Variants in C4BPA observed in about 807,000 individuals in gnomAD.
C4BPA encodes C4b-binding protein alpha chain.
Under a neutral mutation model 63.7 loss-of-function variants are expected in C4BPA, and 31 were observed. The ratio of observed to expected loss-of-function variants is 0.49; its 90% CI spans 0.37 to 0.66. C4BPA has a LOEUF of 0.66. Among genes scored for constraint, C4BPA ranks in the 30% least tolerant of loss-of-function variants. The pLI, the probability that C4BPA is intolerant of heterozygous loss-of-function variation, is 0.00. For synonymous variants in C4BPA, 259 were observed against 254.7 expected (o/e 1.02, Z -0.16); for missense variants, 572 against 723.3 (o/e 0.79, Z 2.40).
intron 6 of C4BPA, among the ~76,000 whole-genome samples, chr1:207,126,476 C>T (rs955963939): frequency 2.0e-5 from 3 of 149,026 alleles, no homozygotes; most frequent in African/African-American, 7.3e-5. Flanking sequence ...TCTTCAACTT[C>T]TCCACCAATA....
chr1:207,135,149 CA>C (rs1685252785), intron 9 of C4BPA, among the ~76,000 whole-genome samples: 1 of 151,988 alleles, frequency 6.6e-6, no homozygotes, highest in Non-Finnish European at 1.5e-5. Flanking sequence ...CTAGCCTGGC[CA>C]ATATGGCGAA....
chr1:207,118,361 A>C (rs1684857640), intron 4 of C4BPA, among the ~76,000 whole-genome samples: 1 of 152,220 alleles, frequency 6.6e-6, no homozygotes, highest in Admixed American at 6.5e-5. Flanking sequence ...AGACTGGGTA[A>C]TTTATAAAGA....
chr1:207,104,459 G>T (rs570976404), intron 1 of C4BPA, 29 bp downstream of exon 1: 1 of 152,414 alleles, frequency 6.6e-6, no homozygotes, highest in African/African-American at 2.4e-5. Context: ...CCTTGGGGAA[G>T]CTTGGAGGAA....
chr1:207,107,358 A>G (rs2808468), intron 1 of C4BPA, among the ~76,000 whole-genome samples: 37,424 of 152,106 alleles, frequency 0.25, 6,834 homozygotes, highest in African/African-American at 0.52. Context: ...GACCAGCTTG[A>G]GCAACATAGT....
At chr1:207,140,854 A>G (rs1396693774) in intron 9 of C4BPA, among the ~76,000 whole-genome samples, 1 of 152,176 alleles carries the variant, frequency 6.6e-6, no homozygotes, top group Non-Finnish European at 1.5e-5. Flanking sequence ...CTCCTAAACA[A>G]TGGAAAGTTG....
In C4BPA at chr1:207,134,509, T is replaced by A; in HGVS notation, c.1190T>A (p.Phe397Tyr). Residue 397 changes from phenylalanine (F) to tyrosine (Y), a missense_variant, in exon 9 of 12, where the codon TTT becomes TAT. Physicochemically the swap from Phe to Tyr is conservative, Grantham distance 22 (BLOSUM62 3). Transcript: ENST00000367070. ...TATTTCTATGGAGATGAGATTTCAT[T>A]TTCATGTCATGAGACCAGTAGGTTT... ...CVYFYGDEIS[F>Y]SCHETSRFSA... is the part of the protein sequence containing the mutation. 6.2e-7 allele frequency: 1 copy of A among 1,613,792 alleles called. No homozygotes were observed. Among genetic ancestry groups the A allele is most frequent in the African/African-American group, 1.3e-5 (1 of 75,042 alleles).
At position 207,124,007 on chromosome 1, in the gene C4BPA, A is replaced by C. The variant is rs1190110398; in HGVS notation, c.514A>C (p.Ile172Leu). ...GAGTCATCCTCTCCCACAATGTGAAAGTAAGTAAAGACTCTTCTGACTTGA... is the reference window on the plus strand; with the variant it reads ...GAGTCATCCTCTCCCACAATGTGAACGTAAGTAAAGACTCTTCTGACTTGA... The part of the protein sequence containing the change: ...GWSHPLPQCE[I>L]VKCKPPPDIR... The change falls in exon 5 of 12, where the codon ATT becomes CTT. Residue 172 changes from isoleucine to leucine, a missense_variant and splice_region_variant. By Grantham distance (5) the Ile-to-Leu change is conservative. Around this residue, in one of 2 missense-constraint regions of C4BPA, gnomAD observed 465 missense variants for 629.4 expected, o/e 0.74. Transcript: ENST00000367070. The C allele has an allele frequency of 6.2e-7, 1 of 1,602,446 alleles. No homozygotes were observed. Among genetic ancestry groups the C allele is most frequent in the Non-Finnish European group, 8.5e-7 (1 of 1,170,402 alleles).
intron 10 of C4BPA, among the ~76,000 whole-genome samples, chr1:207,141,560 T>C (rs1685416121): frequency 6.6e-6 from 1 of 152,162 alleles, no homozygotes; most frequent in Non-Finnish European, 1.5e-5. Flanking sequence ...AGTATCACAT[T>C]TTATCTTAGT....
intron 6 of C4BPA, 58 bp downstream of exon 6, chr1:207,124,424 A>G: frequency 3.0e-6 from 4 of 1,331,790 alleles, no homozygotes; most frequent in Non-Finnish European, 2.1e-6. Context: ...TTTAAAAGAG[A>G]AAGAAAGGTA....
intron 1 of C4BPA, among the ~76,000 whole-genome samples, chr1:207,108,026 A>G (rs752172664): frequency 2.6e-5 from 4 of 152,222 alleles, no homozygotes; most frequent in Non-Finnish European, 5.9e-5. Flanking sequence ...TTGGAGGAAC[A>G]TAGTGAATTT....
At chr1:207,142,058 A>G (rs568811711) in intron 10 of C4BPA, among the ~76,000 whole-genome samples, 2 of 148,666 alleles carry the variant, frequency 1.3e-5, no homozygotes, top group African/African-American at 5.0e-5. Flanking sequence ...TCCTAATGTT[A>G]TCTCTCCCCT....
chr1:207,134,250 A>G (rs1339881612), intron 8 of C4BPA, among the ~76,000 whole-genome samples, 154 bp from the exon 9 acceptor site: 1 of 152,174 alleles, frequency 6.6e-6, no homozygotes, highest in African/African-American at 2.4e-5. Flanking sequence ...ATAAGGGGGG[A>G]AAGAGCAGAC....
At chr1:207,123,215 ATTGTAG>A (rs1282934116) in intron 4 of C4BPA, among the ~76,000 whole-genome samples, 1 of 152,202 alleles carries the variant, frequency 6.6e-6, no homozygotes, top group Non-Finnish European at 1.5e-5. Context: ...GAAATACTTA[ATTGTAG>A]TTGTAGTTGA....
chr1:207,143,739 T>G, intron 10 of C4BPA, 79 bp from the exon 11 acceptor site: 2 of 967,570 alleles, frequency 2.1e-6, no homozygotes, highest in Non-Finnish European at 3.2e-6. Context: ...TAAATACAGT[T>G]CATTCTTATT....
chr1:207,113,471 T>C (rs1487174451), intron 2 of C4BPA, among the ~76,000 whole-genome samples: 1 of 152,126 alleles, frequency 6.6e-6, no homozygotes, highest in Non-Finnish European at 1.5e-5. Context: ...ATTTTCACTG[T>C]TTGTGGGTTT....
At chr1:207,126,234 ATACACAC>A (rs1685040924) in intron 6 of C4BPA, among the ~76,000 whole-genome samples, 1 of 148,914 alleles carries the variant, frequency 6.7e-6, no homozygotes, top group Non-Finnish European at 1.5e-5. Context: ...TTTTATATAT[ATACACAC>A]ACATACATAT....
intron 1 of C4BPA, among the ~76,000 whole-genome samples, chr1:207,106,161 C>T (rs571484739): frequency 2.0e-5 from 3 of 152,176 alleles, no homozygotes; most frequent in African/African-American, 4.8e-5. Context: ...CATTCCCATA[C>T]TCTGTGGCCA....
intron 10 of C4BPA, among the ~76,000 whole-genome samples, chr1:207,141,920 G>A (rs923087413): frequency 1.1e-4 from 16 of 151,916 alleles, no homozygotes; most frequent in African/African-American, 3.6e-4. Context: ...TAGTCAAGAA[G>A]GAAATTTTTT....
intron 1 of C4BPA, among the ~76,000 whole-genome samples, chr1:207,105,223 T>C (rs1330187271): frequency 2.6e-5 from 4 of 152,114 alleles, no homozygotes; most frequent in African/African-American, 9.7e-5. Context: ...GAGATATGTT[T>C]GAATGTAGTA....
Sources: allele counts gnomAD v4.1 joint callset (sites outside exome capture counted in the v4.1 genomes callset), GRCh38; gene constraint gnomAD v4.1.1; regional missense constraint gnomAD v4.1.1; transcripts MANE v1.5; gene names NCBI Gene and HGNC (gene_info 2026-07-23, HGNC 2026-07-21).